FNDC1: variants seen among roughly 807,000 people sequenced by gnomAD.
FNDC1 encodes fibronectin type III domain containing 1.
FNDC1 carries 96 observed loss-of-function variants against 168.0 expected under a neutral mutation model. The ratio of observed to expected loss-of-function variants is 0.57; its 90% CI spans 0.48 to 0.68. The LOEUF (loss-of-function observed/expected upper bound fraction) is 0.68. Among genes scored for constraint, FNDC1 ranks in the 30% least tolerant of loss-of-function variants. FNDC1 has a pLI of 0.00. For missense variants in FNDC1, 2,587 were observed against 2,482.1 expected (o/e 1.04, Z -0.90); for synonymous variants, 1,099 against 1,025.9 (o/e 1.07, Z -1.36).
chr6:159,238,785 A>G (rs1783328200), intron 13 of FNDC1, 120 bp downstream of exon 13: 2 of 678,062 alleles, frequency 2.9e-6, no homozygotes, highest in Non-Finnish European at 4.8e-6. Flanking sequence ...ACTTTTACCC[A>G]TGTGAGAAGA....
chr6:159,209,071 TC>T (rs1370965445), intron 4 of FNDC1, among the ~76,000 whole-genome samples: 1 of 152,278 alleles, frequency 6.6e-6, no homozygotes, highest in Admixed American at 6.5e-5. Context: ...GGTCCCGAAC[TC>T]CCGACCTCAG....
intron 14 of FNDC1, among the ~76,000 whole-genome samples, chr6:159,245,849 C>T (rs1264008473): frequency 8.4e-5 from 1 of 11,964 alleles, no homozygotes; most frequent in East Asian, 7.9e-4. Context: ...CCCGGGTTCA[C>T]GCCATTCTCC....
chr6:159,232,885 C>T lies in FNDC1; in HGVS notation c.2373C>T (p.Asp791=), dbSNP rs201220602. The change falls in exon 11 of 23, where the codon GAC becomes GAT. Residue 791 remains aspartate (D), a synonymous_variant. Coordinates refer to ENST00000297267, the MANE Select transcript of FNDC1 (RefSeq NM_032532.3). The surrounding 1 kb of genome is among the most constrained non-coding windows in gnomAD (Gnocchi z 4.9). ...CTTCTGATGGTGAAAGCCACGGTGA[C>T]GGCGATAGGGAAGACGGCGGAAGGC... The part of the protein sequence containing the change: ...AEASDGESHG[D]GDREDGGRQA... 790 of 1,613,156 alleles carry T rather than the reference C, an allele frequency of 4.9e-4. No individual in the cohort carries two copies. The highest frequency in any genetic ancestry group is 6.4e-4 in the Non-Finnish European group (761 of 1,179,870).
At chr6:159,253,599 A>G (rs1464694195) in intron 17 of FNDC1, among the ~76,000 whole-genome samples, 1 of 151,802 alleles carries the variant, frequency 6.6e-6, no homozygotes, top group African/African-American at 2.4e-5. Flanking sequence ...TTCCCAAATC[A>G]CTCCTAATGA....
intron 20 of FNDC1, 88 bp downstream of exon 20, chr6:159,265,092 AG>A (rs1175425930): frequency 2.9e-5 from 34 of 1,163,296 alleles, no homozygotes; most frequent in Non-Finnish European, 4.0e-5. Flanking sequence ...ACAATTAGAA[AG>A]TCTGGACCAT....
At chr6:159,183,888 T>G (rs142332446) in intron 1 of FNDC1, among the ~76,000 whole-genome samples, 10 of 152,364 alleles carry the variant, frequency 6.6e-5, no homozygotes, top group Admixed American at 5.9e-4. Context: ...TCATGTGTCC[T>G]TATGAATTCA....
chr6:159,228,891 G>A (rs1178899990), intron 9 of FNDC1, among the ~76,000 whole-genome samples: 1 of 152,084 alleles, frequency 6.6e-6, no homozygotes, highest in Admixed American at 6.5e-5. Context: ...GGCCAGGGTG[G>A]TCTCAAACTT....
Position 159,246,916 on chromosome 6 carries a change from T to G in FNDC1, c.4637T>G (p.Leu1546Trp). 6.2e-7 allele frequency: 1 copy of G among 1,612,708 alleles called. No homozygotes were observed. The highest frequency in any genetic ancestry group is 8.5e-7 in the Non-Finnish European group (1 of 1,178,714). Residue 1546 changes from leucine to tryptophan, a missense_variant, in exon 15 of 23, where the codon TTG becomes TGG. Transcript: ENST00000297267. ...TCCTCACTAGATGAGTTCTCAGGCT[T>G]GGAGACTGACACTGCAGTACCTACG... ...CYAEEDEFSG[L>W]ETDTAVPTEE... is the part of the protein sequence containing the mutation.
chr6:159,172,100 G>A (rs889521864), intron 1 of FNDC1, among the ~76,000 whole-genome samples: 3 of 152,148 alleles, frequency 2.0e-5, no homozygotes, highest in African/African-American at 7.2e-5. Flanking sequence ...TGATGCCACA[G>A]TAAAATTATT....
In FNDC1 at chr6:159,225,556, A is replaced by T; in HGVS notation, c.906A>T (p.Arg302=). 1 of 1,613,530 alleles carries T rather than the reference A, an allele frequency of 6.2e-7. No homozygotes were observed. The highest frequency in any genetic ancestry group is 1.1e-5 in the South Asian group (1 of 90,980). Residue 302 remains arginine (R), a synonymous_variant, in exon 8 of 23, where the codon CGA becomes CGT. Transcript: ENST00000297267. ...ACAGACAGTACACCGTGCGCTATCG[A>T]GAGAAGGGGGAATTGGCCAGGTGGG... is the stretch of plus-strand genomic sequence containing the variant. ...VASRQYTVRY[R]EKGELARWDY...
At chr6:159,257,601 C>A (rs1369765822) in intron 18 of FNDC1, among the ~76,000 whole-genome samples, 1 of 152,138 alleles carries the variant, frequency 6.6e-6, no homozygotes, top group Non-Finnish European at 1.5e-5. Flanking sequence ...AACAAAATGG[C>A]CCTCATTAGA....
intron 10 of FNDC1, among the ~76,000 whole-genome samples, chr6:159,231,544 C>T (rs866929063): frequency 9.2e-5 from 14 of 152,214 alleles, no homozygotes; most frequent in South Asian, 2.1e-4. Flanking sequence ...TTAAGAAAAT[C>T]CTATATAAGA....
chr6:159,177,402 T>C (rs1781786581), intron 1 of FNDC1, among the ~76,000 whole-genome samples: 1 of 152,220 alleles, frequency 6.6e-6, no homozygotes, highest in Admixed American at 6.5e-5. Flanking sequence ...GATCCCACAT[T>C]TGTCTGGAGA....
intron 22 of FNDC1, 94 bp downstream of exon 22, chr6:159,268,020 G>C: frequency 7.6e-7 from 1 of 1,323,036 alleles, no homozygotes; most frequent in Non-Finnish European, 1.0e-6. Context: ...CCTTTGCCTT[G>C]TCATTCGAAG....
chr6:159,210,194 C>T (rs891226733), intron 4 of FNDC1, among the ~76,000 whole-genome samples: 3 of 152,192 alleles, frequency 2.0e-5, no homozygotes, highest in Admixed American at 1.3e-4. Flanking sequence ...AGGACCTTCC[C>T]CTGGAGAAGG....
intron 4 of FNDC1, among the ~76,000 whole-genome samples, chr6:159,204,841 A>G (rs1369680987): frequency 2.6e-5 from 4 of 152,180 alleles, no homozygotes; most frequent in African/African-American, 7.2e-5. Flanking sequence ...TCTTTATGCC[A>G]CAGTGGCTAG....
chr6:159,179,710 G>A (rs1413476847), intron 1 of FNDC1, among the ~76,000 whole-genome samples: 1 of 152,188 alleles, frequency 6.6e-6, no homozygotes, highest in Non-Finnish European at 1.5e-5. Context: ...AGCTCCACGA[G>A]GGCAGGACAT....
At chr6:159,241,881 A>G (rs537132135) in intron 14 of FNDC1, among the ~76,000 whole-genome samples, 87 of 152,344 alleles carry the variant, frequency 5.7e-4, no homozygotes, top group Middle Eastern at 3.4e-3. Flanking sequence ...CCACAGACAC[A>G]TCCATCACCT....
At chr6:159,247,144 C>A (rs767498490) in intron 15 of FNDC1, among the ~76,000 whole-genome samples, 175 bp downstream of exon 15, 2 of 152,156 alleles carry the variant, frequency 1.3e-5, no homozygotes, top group Non-Finnish European at 2.9e-5. Flanking sequence ...CCTTGTCACT[C>A]CCAAATGCAT....
Sources: gnomAD v4.1 joint callset for allele counts (sites outside exome capture counted in the v4.1 genomes callset) on GRCh38, gnomAD v4.1.1 for gene constraint, Gnocchi (gnomAD v3.1) non-coding constraint, MANE v1.5 for transcripts, NCBI Gene and HGNC (gene_info 2026-07-23, HGNC 2026-07-21) for gene names.